The following DST variants were observed in gnomAD, a reference collection of about 807,000 sequenced individuals.
DST encodes the protein bullous pemphigoid antigen.
Under a neutral mutation model 875.2 loss-of-function variants are expected in DST, and 253 were observed. The observed-to-expected ratio is 0.29, with a 90% CI of 0.26 to 0.32. The LOEUF (loss-of-function observed/expected upper bound fraction) is 0.32. DST is among the 10% of genes least tolerant of loss of function. The probability of loss-of-function intolerance (pLI) is 1.00; values close to 1 mark genes in which losing one functional copy is unlikely to be tolerated. For missense variants in DST, 8,287 were observed against 9,111.6 expected (o/e 0.91, Z 3.68); for synonymous variants, 3,124 against 3,197.1 (o/e 0.98, Z 0.77).
rs760560050 is a variant in DST at position 56,594,197 on chromosome 6, T to C, written c.12196-4A>G. On this transcript the variant is annotated splice_polypyrimidine_tract_variant and splice_region_variant and intron_variant, in intron 47 of 103. Coordinates refer to ENST00000680361, the MANE Select transcript of DST (RefSeq NM_001374736.1). The stretch of plus-strand genomic sequence containing the variant: ...AGATGATCTTCTCGTGTTGGGCCTA[T>C]GTGAAAACAAATTGATCATAATCTT... The C allele has an allele frequency of 6.0e-6, 9 of 1,511,116 alleles. No homozygotes were observed. Among genetic ancestry groups the C allele is most frequent in the South Asian group, 1.4e-5 (1 of 73,446 alleles). The allele number at this position is 1,511,116 out of a possible 1,614,324, so 93.6% of individuals were successfully genotyped here.
At chr6:56,778,797 G>C (rs546921148) in intron 4 of DST, among the ~76,000 whole-genome samples, 2 of 151,974 alleles carry the variant, frequency 1.3e-5, no homozygotes, top group Non-Finnish European at 1.5e-5. Context: ...TGGACATTTG[G>C]CTTGGTTCCA....
At chr6:56,615,407 G>T in intron 36 of DST, 1 of 1,563,074 alleles carries the variant, frequency 6.4e-7, no homozygotes, top group East Asian at 2.4e-5. Flanking sequence ...AAGAAATAGA[G>T]TATGTTACAT....
chr6:56,656,441 AAAC>A (rs1234438595), intron 10 of DST, among the ~76,000 whole-genome samples: 30 of 152,226 alleles, frequency 2.0e-4, no homozygotes, highest in African/African-American at 7.2e-4. Flanking sequence ...AACAATCACA[AAAC>A]AACAACAGGG....
intron 4 of DST, among the ~76,000 whole-genome samples, chr6:56,778,991 G>C (rs1275622644): frequency 6.6e-6 from 1 of 152,054 alleles, no homozygotes; most frequent in Non-Finnish European, 1.5e-5. Context: ...TGAGTTTACA[G>C]TCCCACCAAT....
At chr6:56,568,972 A>T (rs553134514) in intron 54 of DST, among the ~76,000 whole-genome samples, 2 of 152,290 alleles carry the variant, frequency 1.3e-5, no homozygotes, top group East Asian at 3.9e-4. Flanking sequence ...AATAAATAGG[A>T]ATTCAGAACT....
At chr6:56,769,620 A>C (rs751829933) in intron 4 of DST, among the ~76,000 whole-genome samples, 2 of 152,190 alleles carry the variant, frequency 1.3e-5, no homozygotes, top group Non-Finnish European at 2.9e-5. Context: ...ATTCAGGACC[A>C]GCCTGGGCAA....
At chr6:56,470,976 G>T in intron 95 of DST, 130 bp downstream of exon 95, 1 of 959,014 alleles carries the variant, frequency 1.0e-6, no homozygotes, top group Non-Finnish European at 1.5e-6. Context: ...TTTTTTAAGG[G>T]TCGTGACTTC....
At position 56,823,960 on chromosome 6, in the gene DST, ATT is replaced by A. The variant is rs1249130193; in HGVS notation, c.625+27435_625+27436del. Among the ~76,000 whole-genome samples the A allele has an allele frequency of 3.3e-5, 5 of 152,200 alleles. No homozygotes were observed. In the East Asian group the frequency reaches 9.6e-4, roughly 29 times the overall value. ...AAGCACCATGATAAGCAGCAGAAGT[ATT>A]AAAAAGACTTACATAAAAAATATCC... On this transcript the variant is annotated intron_variant, in intron 4 of 103. Transcript: ENST00000680361.
At chr6:56,472,870 T>G (rs1288089490) in intron 93 of DST, among the ~76,000 whole-genome samples, 1 of 152,162 alleles carries the variant, frequency 6.6e-6, no homozygotes. Context: ...CTCAACAACT[T>G]CACAAAACAA....
chr6:56,641,218 C>A (rs116255286), intron 17 of DST, among the ~76,000 whole-genome samples: 1 of 151,860 alleles, frequency 6.6e-6, no homozygotes, highest in African/African-American at 2.4e-5. Context: ...TTTTTATACA[C>A]GTATTTTCTT....
intron 55 of DST, among the ~76,000 whole-genome samples, chr6:56,564,048 C>T (rs1302641010): frequency 6.6e-6 from 1 of 151,954 alleles, no homozygotes; most frequent in Non-Finnish European, 1.5e-5. Context: ...AGGATTGTCT[C>T]GGCTATACGG....
At chr6:56,896,104 G>A (rs1351491815) in intron 3 of DST, among the ~76,000 whole-genome samples, 2 of 66,336 alleles carry the variant, frequency 3.0e-5, no homozygotes, top group East Asian at 3.7e-4. Flanking sequence ...AGAGGGAGAC[G>A]GGAGAGGGAG....
At chr6:56,904,102 C>T (rs555076967) in intron 2 of DST, among the ~76,000 whole-genome samples, 2 of 152,226 alleles carry the variant, frequency 1.3e-5, no homozygotes, top group East Asian at 1.9e-4. Context: ...GTACCTAGCA[C>T]GTAGTAGTAC....
In DST at chr6:56,953,800, G is replaced by A. The variant is rs1823661598; in HGVS notation, c.201C>T (p.His67=). The A allele has an allele frequency of 1.5e-6, 2 of 1,316,570 alleles. No individual in the cohort carries two copies. The highest frequency in any genetic ancestry group is 2.0e-6 in the Non-Finnish European group (2 of 994,690). The allele number at this position is 1,316,570 out of a possible 1,614,324, so 81.6% of individuals were successfully genotyped here. Residue 67 remains histidine (H), a synonymous_variant, in exon 2 of 104, where the codon CAC becomes CAT. Coordinates refer to ENST00000680361, the MANE Select transcript of DST (RefSeq NM_001374736.1). ...AATAAATTACCTCAGAACGAAAGTG[G>A]TGCGATCTCAAAACAGCATCTGGGG... ...SRSRDAVLRS[H]HFRSEGFRAS...
At chr6:56,639,826 A>C (rs2098871688) in intron 19 of DST, 53 bp from the exon 20 acceptor site, 1 of 1,589,508 alleles carries the variant, frequency 6.3e-7, no homozygotes, top group African/African-American at 1.3e-5. Flanking sequence ...AGGAATTCTG[A>C]CTCACACTTA....
chr6:56,844,969 T>A (rs1306965895), intron 4 of DST, among the ~76,000 whole-genome samples: 3 of 152,172 alleles, frequency 2.0e-5, no homozygotes, highest in African/African-American at 7.2e-5. Flanking sequence ...TGAGACTCTC[T>A]TCATCAGTAA....
Position 56,573,017 on chromosome 6 carries a change from C to A in DST, c.13284G>T (p.Met4428Ile), listed in dbSNP as rs749936213. The change falls in exon 52 of 104, where the codon ATG becomes ATT. Residue 4428 changes from methionine to isoleucine, a missense_variant. Met to Ile is a conservative substitution (Grantham distance 10, BLOSUM62 1). Around this residue, in one of 10 missense-constraint regions of DST, gnomAD observed 1,513 missense variants for 1,677.8 expected, o/e 0.90. Transcript: ENST00000680361. ...CCATAAATTTCTTCACTTTTTCATT[C>A]ATGGCATTTATACTGCTCTGACGAC... Reference protein sequence around the residue: ...IAGRQSSINAMNEKVKKFMET... With the variant: ...IAGRQSSINAINEKVKKFMET... The A allele has an allele frequency of 3.1e-6, 5 of 1,604,722 alleles. No homozygotes were observed. The highest frequency in any genetic ancestry group is 4.3e-6 in the Non-Finnish European group (5 of 1,175,492).
chr6:56,712,744 T>A lies in DST; in HGVS notation c.688-8375A>T, dbSNP rs1401823120. On this transcript the variant is annotated intron_variant, in intron 5 of 103. Transcript: ENST00000680361. ...TACTGAAAAGCTTTTAAAACAGAATTGTAAATACTTTAAAATAAAAATCAT... is the reference window on the plus strand; with the variant it reads ...TACTGAAAAGCTTTTAAAACAGAATAGTAAATACTTTAAAATAAAAATCAT... Among the ~76,000 whole-genome samples the A allele has an allele frequency of 2.6e-5, 4 of 152,210 alleles. 1 individual carries two copies.
rs752209279 is a variant in DST at position 56,607,732 on chromosome 6, G to A, written c.6896C>T (p.Ala2299Val). 2 of 1,613,334 alleles carry A rather than the reference G, an allele frequency of 1.2e-6. No individual in the cohort carries two copies. The highest frequency in any genetic ancestry group is 2.2e-5 in the East Asian group (1 of 44,854). The change falls in exon 40 of 104, where the codon GCT becomes GTT. Residue 2299 changes from alanine to valine, a missense_variant. Transcript: ENST00000680361. ...CATTTCATTAAATTCTTCATCTATA[G>A]CACACTTTCTATTTTCAGGAGTCTC... ...HEETPENRKCAIDEEFNEMRN... is the reference protein window; with the variant it reads ...HEETPENRKCVIDEEFNEMRN...
Sources: allele counts gnomAD v4.1 joint callset (sites outside exome capture counted in the v4.1 genomes callset), GRCh38; gene constraint gnomAD v4.1.1; regional missense constraint gnomAD v4.1.1; transcripts MANE v1.5; gene names NCBI Gene and HGNC (gene_info 2026-07-23, HGNC 2026-07-21).